The following PIK3C2G variants were observed in gnomAD, a reference collection of about 807,000 sequenced individuals.
PIK3C2G encodes phosphatidylinositol-4-phosphate 3-kinase catalytic subunit type 2 gamma.
In PIK3C2G, 168 loss-of-function variants were observed where a neutral mutation model predicts 181.1. The ratio of observed to expected loss-of-function variants is 0.93; its 90% CI spans 0.82 to 1.05. The LOEUF (loss-of-function observed/expected upper bound fraction) is 1.05, where lower values mean the gene tolerates loss of function less well. Ranked by LOEUF, PIK3C2G falls within the 50% of genes least tolerant of loss-of-function variation. The pLI, the probability that PIK3C2G is intolerant of heterozygous loss-of-function variation, is 0.00. For missense variants in PIK3C2G, 1,869 were observed against 1,732.8 expected, an observed-to-expected ratio of 1.08 and a Z score of -1.40; for synonymous variants, 573 against 592.2, an observed-to-expected ratio of 0.97 and a Z score of 0.47.
intron 9 of PIK3C2G, among the ~76,000 whole-genome samples, 200 bp from the exon 10 acceptor site, chr12:18,343,127 C>T (rs1156682403): frequency 3.9e-5 from 6 of 151,912 alleles, no homozygotes; most frequent in African/African-American, 1.5e-4. Flanking sequence ...TTGCTTATTA[C>T]AATATTTAGA....
At chr12:18,608,731 G>A (rs1368964046) in intron 30 of PIK3C2G, among the ~76,000 whole-genome samples, 1 of 151,964 alleles carries the variant, frequency 6.6e-6, no homozygotes, top group African/African-American at 2.4e-5. Context: ...TAGAATAAAA[G>A]TGGGAAATAA....
intron 25 of PIK3C2G, among the ~76,000 whole-genome samples, chr12:18,541,266 A>T (rs1944136365): frequency 6.6e-6 from 1 of 151,938 alleles, no homozygotes; most frequent in South Asian, 2.1e-4. Flanking sequence ...AAAGAGCAGC[A>T]TGTCTCCAGA....
chr12:18,699,103 A>G, the PIK3C2G span, among the ~76,000 whole-genome samples: 2 of 152,150 alleles, frequency 1.3e-5, no homozygotes, highest in African/African-American at 4.8e-5. Flanking sequence ...CCTCAGTTTT[A>G]GAATTAGAGG....
intron 8 of PIK3C2G, among the ~76,000 whole-genome samples, chr12:18,336,815 T>A (rs1395980677): frequency 2.0e-5 from 3 of 152,174 alleles, no homozygotes; most frequent in African/African-American, 7.2e-5. Flanking sequence ...ATAGTATTAA[T>A]TAGTTATTCT....
intron 26 of PIK3C2G, among the ~76,000 whole-genome samples, chr12:18,547,443 T>C (rs1944491945): frequency 1.3e-5 from 2 of 151,954 alleles, no homozygotes. Flanking sequence ...CACAAAATAT[T>C]ACAGCTGGAA....
At chr12:18,661,248 C>G in the PIK3C2G span, among the ~76,000 whole-genome samples, 5 of 151,822 alleles carry the variant, frequency 3.3e-5, no homozygotes, top group South Asian at 8.3e-4. Context: ...AAATAGTACC[C>G]CAAATATTTC....
At chr12:18,379,370 G>C (rs1010980294) in intron 13 of PIK3C2G, among the ~76,000 whole-genome samples, 2 of 113,176 alleles carry the variant, frequency 1.8e-5, no homozygotes, top group Non-Finnish European at 3.4e-5. Context: ...GTCATGGGGT[G>C]GGGGGAGGGG....
intron 18 of PIK3C2G, among the ~76,000 whole-genome samples, chr12:18,473,073 G>A (rs144839461): frequency 6.6e-6 from 1 of 152,132 alleles, no homozygotes; most frequent in Non-Finnish European, 1.5e-5. Context: ...GTGTGAAAGG[G>A]GAAACCAAAA....
At chr12:18,386,941 A>C (rs1943208766) in intron 14 of PIK3C2G, among the ~76,000 whole-genome samples, 1 of 152,094 alleles carries the variant, frequency 6.6e-6, no homozygotes, top group Non-Finnish European at 1.5e-5. Flanking sequence ...TTCACACATC[A>C]AGCTTCAGAC....
intron 30 of PIK3C2G, among the ~76,000 whole-genome samples, chr12:18,601,366 CA>C (rs1164115719): frequency 6.6e-6 from 1 of 151,212 alleles, no homozygotes; most frequent in African/African-American, 2.4e-5. Context: ...AAGCCAGGAA[CA>C]GAAAGTTCAA....
chr12:18,437,380 C>T (rs1317835907), intron 18 of PIK3C2G, among the ~76,000 whole-genome samples: 1 of 151,962 alleles, frequency 6.6e-6, no homozygotes, highest in South Asian at 2.1e-4. Context: ...TACAATCAAA[C>T]ACTTGTTACA....
chr12:18,429,641 C>T (rs951003014), intron 18 of PIK3C2G, among the ~76,000 whole-genome samples: 8 of 152,194 alleles, frequency 5.3e-5, no homozygotes, highest in African/African-American at 1.9e-4. Flanking sequence ...TCATGTCACA[C>T]TCTTCCATGT....
intron 31 of PIK3C2G, among the ~76,000 whole-genome samples, chr12:18,611,134 A>G (rs1025015854): frequency 2.0e-5 from 3 of 152,122 alleles, no homozygotes; most frequent in African/African-American, 7.2e-5. Flanking sequence ...TACAGTACCA[A>G]TGAAGATCTT....
the PIK3C2G span, among the ~76,000 whole-genome samples, chr12:18,679,907 T>A: frequency 3.9e-5 from 6 of 151,994 alleles, no homozygotes; most frequent in Non-Finnish European, 8.8e-5. Context: ...ATCTATCTCT[T>A]CATCAGTTCA....
At chr12:18,572,963 T>C (rs1946045204) in intron 29 of PIK3C2G, among the ~76,000 whole-genome samples, 2 of 152,214 alleles carry the variant, frequency 1.3e-5, no homozygotes, top group African/African-American at 4.8e-5. Flanking sequence ...TTACTGAAAA[T>C]CTCAGCCTTT....
downstream of PIK3C2G, among the ~76,000 whole-genome samples, chr12:18,650,033 A>T (rs190939588): frequency 1.3e-5 from 2 of 151,998 alleles, no homozygotes; most frequent in Admixed American, 1.3e-4. Context: ...TCATCTGAAT[A>T]CTGATGATTC....
At chr12:18,459,998 C>T (rs1056847003) in intron 18 of PIK3C2G, among the ~76,000 whole-genome samples, 2 of 152,180 alleles carry the variant, frequency 1.3e-5, no homozygotes, top group Non-Finnish European at 2.9e-5. Context: ...CTCCTGACCT[C>T]AAGTAAGATG....
chr12:18,615,483 G>A (rs1468352863), intron 31 of PIK3C2G, among the ~76,000 whole-genome samples: 1 of 151,328 alleles, frequency 6.6e-6, no homozygotes, highest in Non-Finnish European at 1.5e-5. Context: ...TGGTTGATGG[G>A]CATCTAGACT....
intron 2 of PIK3C2G, 106 bp downstream of exon 2, chr12:18,282,865 CTATT>C (rs1251839392): frequency 1.3e-6 from 1 of 770,302 alleles, no homozygotes; most frequent in Non-Finnish European, 2.0e-6. Flanking sequence ...ATAGGGAAAT[CTATT>C]CATCTTACTT....
Sources: gnomAD v4.1 joint callset for allele counts (sites outside exome capture counted in the v4.1 genomes callset) on GRCh38, gnomAD v4.1.1 for gene constraint, MANE v1.5 for transcripts, NCBI Gene and HGNC (gene_info 2026-07-23, HGNC 2026-07-21) for gene names.